Variants in AGBL4 observed in about 807,000 individuals in gnomAD.
The protein encoded by AGBL4 is AGBL carboxypeptidase 4.
AGBL4 carries 58 observed loss-of-function variants against 66.4 expected under a neutral mutation model. The observed-to-expected ratio is 0.87, with a 90% CI of 0.71 to 1.09. AGBL4 has a LOEUF of 1.09. AGBL4 is among the 50% of genes least tolerant of loss of function. The probability of loss-of-function intolerance (pLI) is 0.00; values close to 1 mark genes in which losing one functional copy is unlikely to be tolerated. For synonymous variants in AGBL4, 234 were observed against 222.9 expected, an observed-to-expected ratio of 1.05 and a Z score of -0.44; for missense variants, 579 against 631.0, an observed-to-expected ratio of 0.92 and a Z score of 0.88.
intron 11 of AGBL4, among the ~76,000 whole-genome samples, chr1:48,565,138 T>G (rs1429037679): frequency 6.6e-6 from 1 of 152,200 alleles, no homozygotes; most frequent in Non-Finnish European, 1.5e-5. Flanking sequence ...TAATGAAGCC[T>G]AATTACAGCA....
intron 2 of AGBL4, among the ~76,000 whole-genome samples, chr1:49,719,979 C>T (rs1648472466): frequency 6.6e-6 from 1 of 152,088 alleles, no homozygotes; most frequent in South Asian, 2.1e-4. Flanking sequence ...TCAATTAAAC[C>T]TCTTTCCTTT....
intron 12 of AGBL4, among the ~76,000 whole-genome samples, chr1:48,536,150 A>T (rs1228588407): frequency 6.6e-6 from 1 of 152,092 alleles, no homozygotes; most frequent in Non-Finnish European, 1.5e-5. Context: ...TGATATTTGG[A>T]CTGAGTTTTG....
At chr1:49,484,907 T>A (rs1319653133) in intron 3 of AGBL4, among the ~76,000 whole-genome samples, 1 of 151,874 alleles carries the variant, frequency 6.6e-6, no homozygotes, top group Non-Finnish European at 1.5e-5. Flanking sequence ...TAAAAACTTT[T>A]AAAAATCTTT....
intron 3 of AGBL4, among the ~76,000 whole-genome samples, chr1:49,606,000 T>C (rs1407035310): frequency 6.6e-6 from 1 of 152,116 alleles, no homozygotes; most frequent in Non-Finnish European, 1.5e-5. Context: ...CTGATTCAAT[T>C]AGGGAATTTT....
intron 3 of AGBL4, among the ~76,000 whole-genome samples, chr1:49,424,018 C>T (rs771043402): frequency 6.6e-6 from 1 of 152,092 alleles, no homozygotes; most frequent in Non-Finnish European, 1.5e-5. Flanking sequence ...CTTCTCTGGC[C>T]TGCTCTATGC....
chr1:48,796,973 G>A (rs1215275833), intron 6 of AGBL4, among the ~76,000 whole-genome samples: 2 of 152,162 alleles, frequency 1.3e-5, no homozygotes, highest in Non-Finnish European at 2.9e-5. Context: ...TGAATCATAT[G>A]TCCTTCTAGG....
intron 3 of AGBL4, among the ~76,000 whole-genome samples, chr1:49,539,289 C>T (rs1309054505): frequency 6.6e-6 from 1 of 152,014 alleles, no homozygotes; most frequent in African/African-American, 2.4e-5. Flanking sequence ...TGTGTTTTTG[C>T]TTGTTTTTAC....
intron 3 of AGBL4, among the ~76,000 whole-genome samples, chr1:49,337,545 G>T (rs1175614286): frequency 1.3e-5 from 2 of 152,100 alleles, no homozygotes; most frequent in Non-Finnish European, 2.9e-5. Context: ...GACACAGAAT[G>T]CTCTGGGTAA....
intron 2 of AGBL4, among the ~76,000 whole-genome samples, chr1:49,795,693 C>A (rs1644713178): frequency 6.6e-6 from 1 of 151,012 alleles, no homozygotes; most frequent in Non-Finnish European, 1.5e-5. Flanking sequence ...AGGGAACATC[C>A]CAAATCAGTA....
intron 5 of AGBL4, among the ~76,000 whole-genome samples, chr1:48,912,401 G>T (rs1653210722): frequency 6.6e-6 from 1 of 152,214 alleles, no homozygotes; most frequent in South Asian, 2.1e-4. Context: ...GCCAGTTGAA[G>T]ATTGCTAGAG....
intron 6 of AGBL4, among the ~76,000 whole-genome samples, chr1:48,825,192 C>T (rs987575786): frequency 1.3e-5 from 2 of 152,108 alleles, no homozygotes; most frequent in Non-Finnish European, 2.9e-5. Context: ...CTCTTCGCTT[C>T]CTATTTTGGG....
chr1:49,938,992 AC>A (rs1421610400), intron 1 of AGBL4, among the ~76,000 whole-genome samples: 1 of 152,106 alleles, frequency 6.6e-6, no homozygotes, highest in Non-Finnish European at 1.5e-5. Flanking sequence ...CTGATAAGCA[AC>A]TTCAGCAAAG....
intron 4 of AGBL4, among the ~76,000 whole-genome samples, chr1:49,201,682 T>G (rs1363066415): frequency 1.3e-5 from 2 of 152,198 alleles, no homozygotes; most frequent in East Asian, 3.9e-4. Flanking sequence ...CAAGAAGTCA[T>G]TACAGCTTTG....
intron 6 of AGBL4, among the ~76,000 whole-genome samples, chr1:48,847,585 G>C (rs900097379): frequency 2.6e-5 from 4 of 152,118 alleles, no homozygotes; most frequent in South Asian, 2.1e-4. Context: ...AAAACGTATA[G>C]TACCTAGCAG....
chr1:49,450,824 A>G (rs1233063716), intron 3 of AGBL4, among the ~76,000 whole-genome samples: 1 of 152,050 alleles, frequency 6.6e-6, no homozygotes, highest in African/African-American at 2.4e-5. Flanking sequence ...ACAAATCTCC[A>G]AGTCTCAACA....
intron 6 of AGBL4, among the ~76,000 whole-genome samples, chr1:48,810,295 T>A (rs2148756137): frequency 6.6e-6 from 1 of 152,324 alleles, no homozygotes; most frequent in Non-Finnish European, 1.5e-5. Flanking sequence ...GAAAGGACAA[T>A]GCAAATTATT....
At chr1:49,145,089 C>T (rs1191576061) in intron 4 of AGBL4, among the ~76,000 whole-genome samples, 5 of 151,954 alleles carry the variant, frequency 3.3e-5, no homozygotes, top group Non-Finnish European at 5.9e-5. Flanking sequence ...CAAAAATGAC[C>T]GGAATCCAGG....
At chr1:49,737,702 A>T (rs1005201265) in intron 2 of AGBL4, among the ~76,000 whole-genome samples, 28 of 152,346 alleles carry the variant, frequency 1.8e-4, no homozygotes, top group African/African-American at 6.7e-4. Flanking sequence ...TTTGTAACAA[A>T]ATCCTAGTAA....
chr1:48,867,006 C>A (rs939589987), intron 6 of AGBL4, among the ~76,000 whole-genome samples, 185 bp downstream of exon 6: 3 of 152,052 alleles, frequency 2.0e-5, no homozygotes, highest in Non-Finnish European at 4.4e-5. Flanking sequence ...ACAGGGCTGG[C>A]AGGGAGAAAA....
Sources: allele counts gnomAD v4.1 joint callset (sites outside exome capture counted in the v4.1 genomes callset), GRCh38; gene constraint gnomAD v4.1.1; transcripts MANE v1.5; gene names NCBI Gene and HGNC (gene_info 2026-07-23, HGNC 2026-07-21).